The following NTN1 variants were observed in gnomAD, a reference collection of about 807,000 sequenced individuals.
NTN1 encodes the protein netrin 1.
In NTN1, 11 loss-of-function variants were observed where a neutral mutation model predicts 54.2. That is an observed-to-expected ratio of 0.20 (90% CI 0.13 to 0.34). The LOEUF is 0.34. NTN1 is among the 10% of genes least tolerant of loss of function. The pLI, the probability that NTN1 is intolerant of heterozygous loss-of-function variation, is 1.00. For synonymous variants in NTN1, 371 were observed against 382.0 expected, an observed-to-expected ratio of 0.97 and a Z score of 0.33; for missense variants, 740 against 893.1, an observed-to-expected ratio of 0.83 and a Z score of 2.18.
Position 9,215,298 on chromosome 17 carries a change from T to C in NTN1, c.1412-5870T>C, listed in dbSNP as rs137856305. On this transcript the variant is annotated intron_variant, in intron 5 of 6. Coordinates refer to ENST00000173229, the MANE Select transcript of NTN1 (RefSeq NM_004822.3). The stretch of plus-strand genomic sequence containing the variant: ...ACACACACACACACACATACACACA[T>C]GGGGACAGAGAAGGAGACAGAGCCA... 2.1e-3 allele frequency among the ~76,000 whole-genome samples: 289 copies of C among 140,650 alleles called. 2 individuals are homozygous for C. Among genetic ancestry groups the C allele is most frequent in the African/African-American group, 6.4e-3 (246 of 38,432 alleles). 92.3% of individuals were successfully genotyped at this position (140,650 alleles called of 152,430 possible). A position where few individuals can be genotyped will look rare whatever the true frequency, so the allele number is the denominator to read the frequency against.
chr17:9,042,488 TAA>T (rs879534793), intron 2 of NTN1, among the ~76,000 whole-genome samples: 1 of 83,592 alleles, frequency 1.2e-5, no homozygotes, highest in Admixed American at 1.7e-4. Flanking sequence ...CTCTGTCCCT[TAA>T]AAAAAAAAAA....
At chr17:9,189,288 G>A (rs1274934021) in intron 5 of NTN1, among the ~76,000 whole-genome samples, 2 of 152,234 alleles carry the variant, frequency 1.3e-5, no homozygotes, top group African/African-American at 4.8e-5. Context: ...GATCCCGGCC[G>A]TGGTTGCCTG....
Position 9,154,150 on chromosome 17 carries a change from A to G in NTN1, c.1019-8663A>G, listed in dbSNP as rs77993456. On this transcript the variant is annotated intron_variant, in intron 2 of 6. Coordinates refer to ENST00000173229, the MANE Select transcript of NTN1 (RefSeq NM_004822.3). ...GTCTCCAGTGACGAGCCTTAAGCCT[A>G]TGTTTGGGGGATAGTGGTGGACCTG... Among the ~76,000 whole-genome samples the G allele has an allele frequency of 2.6e-3, 403 of 152,178 alleles. 2 individuals are homozygous for G. The highest frequency in any genetic ancestry group is 9.1e-3 in the African/African-American group (376 of 41,526).
chr17:9,100,372 A>T lies in NTN1; in HGVS notation c.1019-62441A>T, dbSNP rs138257847. On this transcript the variant is annotated intron_variant, in intron 2 of 6. Coordinates refer to ENST00000173229, the MANE Select transcript of NTN1 (RefSeq NM_004822.3). Reference sequence around the variant, plus strand: ...GAGTGCAGTGGCACGATCTCGGCTCACTCCAAGCTCCACCTCCCAGGTTCA... The same window carrying T: ...GAGTGCAGTGGCACGATCTCGGCTCTCTCCAAGCTCCACCTCCCAGGTTCA... Among the ~76,000 whole-genome samples the T allele has an allele frequency of 6.0e-3, 913 of 152,010 alleles. 4 individuals carry two copies. The highest frequency in any genetic ancestry group is 9.4e-3 in the Non-Finnish European group (641 of 67,978).
intron 5 of NTN1, among the ~76,000 whole-genome samples, chr17:9,204,260 CTCTCCT>C (rs1230531161): frequency 6.9e-6 from 1 of 145,486 alleles, no homozygotes. Context: ...CTCTCTCTCT[CTCTCCT>C]TCTCTCTCTC....
intron 2 of NTN1, among the ~76,000 whole-genome samples, chr17:9,067,086 G>A (rs1356956261): frequency 6.6e-6 from 1 of 151,550 alleles, no homozygotes; most frequent in Non-Finnish European, 1.5e-5. Flanking sequence ...GGCCAACATG[G>A]CAAGACCCCG....
intron 3 of NTN1, among the ~76,000 whole-genome samples, chr17:9,168,668 C>A (rs2092379520): frequency 6.6e-6 from 1 of 152,184 alleles, no homozygotes; most frequent in Non-Finnish European, 1.5e-5. Flanking sequence ...GTGTTTAGAT[C>A]TGATCATTTG....
chr17:9,069,930 G>A (rs1394349878), intron 2 of NTN1, among the ~76,000 whole-genome samples: 1 of 152,218 alleles, frequency 6.6e-6, no homozygotes, highest in Non-Finnish European at 1.5e-5. Context: ...CCTGGGAAGA[G>A]TTTGGTGGGT....
the NTN1 span, among the ~76,000 whole-genome samples, chr17:9,008,639 A>T: frequency 3.3e-5 from 5 of 152,222 alleles, no homozygotes; most frequent in African/African-American, 1.2e-4. Context: ...ATGCAACTTT[A>T]TGAAAATTGT....
At chr17:9,092,507 C>T (rs1159281708) in intron 2 of NTN1, among the ~76,000 whole-genome samples, 1 of 151,898 alleles carries the variant, frequency 6.6e-6, no homozygotes, top group Non-Finnish European at 1.5e-5. Context: ...CCAGGCTGGT[C>T]TCAAGCTCCT....
At chr17:9,041,405 G>A (rs1468222685) in intron 2 of NTN1, among the ~76,000 whole-genome samples, 6 of 152,076 alleles carry the variant, frequency 3.9e-5, no homozygotes, top group Admixed American at 3.9e-4. Flanking sequence ...TTACAGATTT[G>A]CCTATTCTGG....
At chr17:9,190,119 A>G (rs903827630) in intron 5 of NTN1, among the ~76,000 whole-genome samples, 24 of 152,268 alleles carry the variant, frequency 1.6e-4, no homozygotes, top group African/African-American at 5.8e-4. Context: ...CAGTGAATGC[A>G]TATCAGTTTT....
At chr17:9,194,113 G>A (rs1904557972) in intron 5 of NTN1, among the ~76,000 whole-genome samples, 1 of 151,680 alleles carries the variant, frequency 6.6e-6, no homozygotes, top group African/African-American at 2.4e-5. Context: ...GCAGGCACCT[G>A]TAATCCTAGC....
intron 2 of NTN1, among the ~76,000 whole-genome samples, chr17:9,150,711 G>T (rs975073797): frequency 1.3e-5 from 2 of 152,196 alleles, no homozygotes; most frequent in African/African-American, 4.8e-5. Flanking sequence ...GTTAGGAGGG[G>T]ATTGTTTCAA....
intron 3 of NTN1, among the ~76,000 whole-genome samples, chr17:9,169,848 G>A (rs1255092736): frequency 6.6e-6 from 1 of 152,202 alleles, no homozygotes. Context: ...CTGGGTGACA[G>A]GGCGAGACTC....
intron 2 of NTN1, among the ~76,000 whole-genome samples, chr17:9,057,362 G>A (rs760300254): frequency 1.4e-4 from 22 of 152,152 alleles, no homozygotes; most frequent in Non-Finnish European, 2.2e-4. Flanking sequence ...TCAATTTTAC[G>A]TGTGACTGGT....
At chr17:9,094,413 G>T (rs902186108) in intron 2 of NTN1, among the ~76,000 whole-genome samples, 1 of 152,018 alleles carries the variant, frequency 6.6e-6, no homozygotes, top group African/African-American at 2.4e-5. Context: ...GAGGGTGTGT[G>T]TGTATACATA....
At chr17:9,172,658 G>A (rs2092390233) in intron 3 of NTN1, 1 of 152,174 alleles carries the variant, frequency 6.6e-6, no homozygotes, top group Non-Finnish European at 1.5e-5. Context: ...CATCATCAAA[G>A]ACGGGCAGAT....
intron 2 of NTN1, among the ~76,000 whole-genome samples, chr17:9,146,504 C>T (rs1197723915): frequency 6.6e-6 from 1 of 152,192 alleles, no homozygotes; most frequent in Admixed American, 6.5e-5. Flanking sequence ...TTATGCATAC[C>T]TTGGTCCTCA....
Sources: gnomAD v4.1 joint callset for allele counts (sites outside exome capture counted in the v4.1 genomes callset) on GRCh38, gnomAD v4.1.1 for gene constraint, MANE v1.5 for transcripts, NCBI Gene and HGNC (gene_info 2026-07-23, HGNC 2026-07-21) for gene names.